The following STK24 variants were observed in gnomAD, a reference collection of about 807,000 sequenced individuals.
STK24 encodes the protein serine/threonine kinase 24.
In STK24, 21 loss-of-function variants were observed where a neutral mutation model predicts 55.6. That is an observed-to-expected ratio of 0.38 (90% CI 0.27 to 0.54). STK24 has a LOEUF of 0.54. Among genes scored for constraint, STK24 ranks in the 20% least tolerant of loss-of-function variants. The pLI, the probability that STK24 is intolerant of heterozygous loss-of-function variation, is 0.79. For synonymous variants in STK24, 200 were observed against 215.2 expected (o/e 0.93, Z 0.62); for missense variants, 383 against 538.4 (o/e 0.71, Z 2.86).
intron 3 of STK24, among the ~76,000 whole-genome samples, chr13:98,477,672 C>T (rs1473616985): frequency 6.8e-6 from 1 of 146,092 alleles, no homozygotes; most frequent in Non-Finnish European, 1.5e-5. Context: ...AAGATTCCGT[C>T]TCAAAAAAAA....
chr13:98,496,518 CA>C (rs1895258670), intron 2 of STK24, among the ~76,000 whole-genome samples: 1 of 152,166 alleles, frequency 6.6e-6, no homozygotes, highest in South Asian at 2.1e-4. Context: ...CAATGGCCAC[CA>C]GACAAAAACC....
Position 98,448,329 on chromosome 13 carries a change from A to G in STK24, c.*4844T>C. ...CTCTTGTGTATTGATGGCCGGACAC[A>G]CTCGTTTCCGCAGTGGCTGCTTTCC... On this transcript the variant is annotated 3_prime_UTR_variant, in exon 11 of 11. Transcript: ENST00000539966. 2 of 1,599,916 alleles carry G rather than the reference A, an allele frequency of 1.3e-6. No individual in the cohort carries two copies. Among genetic ancestry groups the G allele is most frequent in the Non-Finnish European group, 1.7e-6 (2 of 1,167,048 alleles).
Position 98,446,991 on chromosome 13 carries a change from A to C in STK24, c.*6182T>G. 1.5e-6 allele frequency: 1 copy of C among 655,352 alleles called. No individual in the cohort carries two copies. Among genetic ancestry groups the C allele is most frequent in the Non-Finnish European group, 2.6e-6 (1 of 387,346 alleles). The allele number at this position is 655,352 out of a possible 1,614,324, so 40.6% of individuals were successfully genotyped here. ...GCAGGCGATTCTGTTCTCATGGCAGAAAGTGGGGTCCCAACTTCCCTGCGC... is the reference window on the plus strand; with the variant it reads ...GCAGGCGATTCTGTTCTCATGGCAGCAAGTGGGGTCCCAACTTCCCTGCGC... On this transcript the variant is annotated 3_prime_UTR_variant, in exon 11 of 11. Transcript: ENST00000539966.
chr13:98,535,364 A>ACAAAC (rs367778396), intron 1 of STK24, among the ~76,000 whole-genome samples: 1 of 41,338 alleles, frequency 2.4e-5, no homozygotes, highest in East Asian at 5.8e-4. Flanking sequence ...AAACAAACAA[A>ACAAAC]AAAAAAATAT....
intron 2 of STK24, among the ~76,000 whole-genome samples, chr13:98,493,717 A>G (rs534843399): frequency 6.6e-6 from 1 of 152,202 alleles, no homozygotes; most frequent in African/African-American, 2.4e-5. Context: ...AACCAAAAAA[A>G]GTGATTTTTT....
chr13:98,503,444 T>C (rs1160072789), intron 2 of STK24, among the ~76,000 whole-genome samples: 2 of 152,256 alleles, frequency 1.3e-5, no homozygotes, highest in Admixed American at 6.5e-5. Context: ...CTTGAGTTTA[T>C]GACCTCCTGG....
At chr13:98,493,162 G>T (rs1336827279) in intron 2 of STK24, among the ~76,000 whole-genome samples, 7 of 152,120 alleles carry the variant, frequency 4.6e-5, no homozygotes, top group Admixed American at 3.3e-4. Flanking sequence ...AAGAACACTG[G>T]GCATTCCCTA....
intron 8 of STK24, 99 bp downstream of exon 8, chr13:98,461,675 A>T (rs1341184479): frequency 6.5e-7 from 1 of 1,534,576 alleles, no homozygotes; most frequent in Non-Finnish European, 8.9e-7. Context: ...AGCTGCCACA[A>T]AGGACCCCAG....
intron 9 of STK24, among the ~76,000 whole-genome samples, chr13:98,458,874 T>G (rs1893580762): frequency 6.6e-6 from 1 of 152,234 alleles, no homozygotes; most frequent in African/African-American, 2.4e-5. Flanking sequence ...CTACTGGGCT[T>G]CTACAAGTAT....
At chr13:98,492,983 T>C (rs1895100277) in intron 2 of STK24, among the ~76,000 whole-genome samples, 1 of 152,256 alleles carries the variant, frequency 6.6e-6, no homozygotes, top group Admixed American at 6.5e-5. Context: ...TTGACTGTTC[T>C]TAACATTTAA....
chr13:98,554,169 C>T (rs1390174446), intron 1 of STK24, among the ~76,000 whole-genome samples: 1 of 151,656 alleles, frequency 6.6e-6, no homozygotes, highest in Admixed American at 6.6e-5. Flanking sequence ...GCATTTAAGC[C>T]CCCCATATGC....
In STK24 at chr13:98,446,023, G is replaced by A. The variant is rs562045365; in HGVS notation, c.*7150C>T. On this transcript the variant is annotated 3_prime_UTR_variant, in exon 11 of 11. Transcript: ENST00000539966. ...ACATGCCCCAGCCCAGGGCCCTGGT[G>A]CAGGGAGAGCTGCTCTCTGTGCCCT... 292 of 989,004 alleles carry A rather than the reference G, an allele frequency of 3.0e-4. 3 individuals carry two copies. In the East Asian group the frequency reaches 7.0e-3, roughly 24 times the overall value. The allele number at this position is 989,004 out of a possible 1,614,324, so 61.3% of individuals were successfully genotyped here. A position where few individuals can be genotyped will look rare whatever the true frequency, so the allele number is the denominator to read the frequency against.
At position 98,445,856 on chromosome 13, in the gene STK24, C is replaced by T. The variant is rs556780637; in HGVS notation, c.*7317G>A. The T allele has an allele frequency of 1.4e-4, 52 of 384,442 alleles. No individual in the cohort carries two copies. In the Admixed American group the frequency reaches 1.7e-3, roughly 12 times the overall value. 23.8% of individuals were successfully genotyped at this position (384,442 alleles called of 1,614,324 possible). On this transcript the variant is annotated 3_prime_UTR_variant, in exon 11 of 11. Transcript: ENST00000539966. ...AAGGTACTGGTAGTCAGGACCTCAA[C>T]GTGTCTTTTGGGGGGACACAGGGAC...
intron 1 of STK24, among the ~76,000 whole-genome samples, chr13:98,531,983 T>C (rs1896591647): frequency 1.3e-5 from 2 of 152,266 alleles, no homozygotes; most frequent in South Asian, 4.1e-4. Flanking sequence ...GGGCTGCATG[T>C]GGGTAGCTCC....
intron 2 of STK24, among the ~76,000 whole-genome samples, chr13:98,511,398 G>T (rs1471110820): frequency 1.3e-5 from 2 of 152,086 alleles, no homozygotes; most frequent in Non-Finnish European, 2.9e-5. Flanking sequence ...CAGGCACTCT[G>T]GAAAATTAAA....
chr13:98,467,442 A>C (rs1893967028), intron 5 of STK24, among the ~76,000 whole-genome samples: 1 of 152,174 alleles, frequency 6.6e-6, no homozygotes, highest in Admixed American at 6.5e-5. Flanking sequence ...GGTTTATCTG[A>C]ATCAGGATCC....
intron 1 of STK24, among the ~76,000 whole-genome samples, chr13:98,547,368 G>A (rs1897054129): frequency 6.6e-6 from 1 of 152,058 alleles, no homozygotes; most frequent in African/African-American, 2.4e-5. Flanking sequence ...GAAACATAAT[G>A]AGACCCCATC....
At chr13:98,517,757 GTT>G (rs1434535920) in intron 2 of STK24, among the ~76,000 whole-genome samples, 23 of 152,308 alleles carry the variant, frequency 1.5e-4, no homozygotes, top group Middle Eastern at 6.8e-3. Context: ...TGCTCTTCTT[GTT>G]GGCATTCTTC....
intron 1 of STK24, among the ~76,000 whole-genome samples, chr13:98,539,214 T>C (rs896608548): frequency 5.9e-5 from 9 of 152,322 alleles, no homozygotes; most frequent in Admixed American, 5.9e-4. Context: ...ACTAACATCC[T>C]CCAAGAGAGC....
Sources: gnomAD v4.1 joint callset for allele counts (sites outside exome capture counted in the v4.1 genomes callset) on GRCh38, gnomAD v4.1.1 for gene constraint, MANE v1.5 for transcripts, NCBI Gene and HGNC (gene_info 2026-07-23, HGNC 2026-07-21) for gene names.